The following ZC3H12B variants were observed in gnomAD, a reference collection of about 807,000 sequenced individuals.
ZC3H12B encodes zinc finger CCCH-type containing 12B.
In ZC3H12B, 7 loss-of-function variants were observed where a neutral mutation model predicts 43.9. That is an observed-to-expected ratio of 0.16 (90% confidence interval 0.09 to 0.30). The LOEUF is 0.30. Among genes scored for constraint, ZC3H12B ranks in the 10% least tolerant of loss-of-function variants. The probability of loss-of-function intolerance (pLI) is 1.00; values close to 1 mark genes in which losing one functional copy is unlikely to be tolerated. For missense variants in ZC3H12B, 475 were observed against 670.2 expected (o/e 0.71, Z 3.22); for synonymous variants, 222 against 241.7 (o/e 0.92, Z 0.76).
At chrX:65,343,618 A>G in the ZC3H12B span, among the ~76,000 whole-genome samples, 1 of 112,487 alleles carries the variant, frequency 8.9e-6, no homozygotes, top group African/African-American at 3.2e-5. Context: ...TTTTGATAAC[A>G]TTTAACACCG....
At chrX:65,190,205 G>GTAGTA in the ZC3H12B span, among the ~76,000 whole-genome samples, 7 of 110,457 alleles carry the variant, frequency 6.3e-5, no homozygotes, top group Non-Finnish European at 1.1e-4. Flanking sequence ...CTGTAGCCTT[G>GTAGTA]TAGTATAGTT....
At chrX:65,134,902 AG>A in the ZC3H12B span, among the ~76,000 whole-genome samples, 1 of 111,118 alleles carries the variant, frequency 9.0e-6, no homozygotes, top group Non-Finnish European at 1.9e-5. Flanking sequence ...TCTGGCAGGC[AG>A]GGGCGGGAAT....
At chrX:65,425,495 A>G (rs1329009566) in intron 3 of ZC3H12B, among the ~76,000 whole-genome samples, 1 of 110,442 alleles carries the variant, frequency 9.1e-6, no homozygotes, top group African/African-American at 3.3e-5. Flanking sequence ...TTCCAATACT[A>G]TATTGAATAG....
At position 65,457,787 on chromosome X, in the gene ZC3H12B, A is replaced by C. The variant is rs1320325132; in HGVS notation, n.408-30859A>C. 7.4e-3 allele frequency among the ~76,000 whole-genome samples: 465 copies of C among 62,685 alleles called. 3 individuals are homozygous for C. The highest frequency in any genetic ancestry group is 0.011 in the Middle Eastern group (2 of 174). 54.4% of individuals were successfully genotyped at this position (62,685 alleles called of 115,157 possible). A position where few individuals can be genotyped will look rare whatever the true frequency, so the allele number is the denominator to read the frequency against. ...TTATCCCCAACCCTGTGCTCTCTGA[A>C]ACATGTGCTGTGTCCACTCAGGGTT... On this transcript the variant is annotated intron_variant and non_coding_transcript_variant, in intron 3 of 5. Coordinates refer to the ZC3H12B transcript ENST00000617377.
At chrX:65,211,980 A>G in the ZC3H12B span, among the ~76,000 whole-genome samples, 1 of 69,427 alleles carries the variant, frequency 1.4e-5, no homozygotes, top group Non-Finnish European at 2.4e-5. Flanking sequence ...TGTATACTAT[A>G]TAATATATAA....
At chrX:65,147,280 G>T in the ZC3H12B span, among the ~76,000 whole-genome samples, 3 of 111,894 alleles carry the variant, frequency 2.7e-5, no homozygotes, top group Admixed American at 9.5e-5. Context: ...AAGGCTTGCT[G>T]CTGCAGTCCT....
intron 3 of ZC3H12B, among the ~76,000 whole-genome samples, chrX:65,459,670 A>G (rs2067702556): frequency 1.8e-5 from 2 of 111,941 alleles, no homozygotes; most frequent in Non-Finnish European, 3.8e-5. Context: ...CCTCATGCTA[A>G]AATCTCTCAA....
chrX:65,069,576 A>G, the ZC3H12B span, among the ~76,000 whole-genome samples: 1 of 111,502 alleles, frequency 9.0e-6, no homozygotes, highest in African/African-American at 3.3e-5. Context: ...AGTTTCCTCA[A>G]GGCCCTGGGG....
rs577361768 is a variant in ZC3H12B, at chrX:65,389,518, T to A, written n.296-9075T>A. 9.5e-4 allele frequency among the ~76,000 whole-genome samples: 107 copies of A among 112,351 alleles called. 1 individual carries two copies. The Admixed American group carries it at 9.7e-3, about 10-fold the overall frequency. ...TATTAGGGTGGGAGTGACCTAATTT[T>A]CCAGGTACCATCTGTCACCCATTTC... is the stretch of plus-strand genomic sequence containing the variant. On this transcript the variant is annotated intron_variant and non_coding_transcript_variant, in intron 2 of 5. Coordinates refer to the ZC3H12B transcript ENST00000617377.
chrX:65,316,428 T>TGACCTA, the ZC3H12B span, among the ~76,000 whole-genome samples: 4 of 112,001 alleles, frequency 3.6e-5, no homozygotes, highest in Non-Finnish European at 7.5e-5. Flanking sequence ...CCTAAAAGTT[T>TGACCTA]ACAGCATTAG....
At chrX:65,104,414 G>A in the ZC3H12B span, among the ~76,000 whole-genome samples, 1 of 111,779 alleles carries the variant, frequency 8.9e-6, no homozygotes, top group African/African-American at 3.2e-5. Context: ...TTGACAAATG[G>A]GATCTAATTA....
At chrX:65,205,632 A>G in the ZC3H12B span, among the ~76,000 whole-genome samples, 9 of 111,272 alleles carry the variant, frequency 8.1e-5, no homozygotes, top group Non-Finnish European at 1.5e-4. Context: ...AAGGATGCCT[A>G]CTCTCACCAC....
chrX:65,131,176 G>T, the ZC3H12B span, among the ~76,000 whole-genome samples: 301 of 111,646 alleles, frequency 2.7e-3, 3 homozygotes, highest in African/African-American at 9.4e-3. Context: ...TATTGGAGTG[G>T]GGCAGAGTGG....
At chrX:65,453,359 CAT>C (rs1159840122) in intron 3 of ZC3H12B, among the ~76,000 whole-genome samples, 3,965 of 26,964 alleles carry the variant, frequency 0.15, 125 homozygotes, top group Non-Finnish European at 0.17. Flanking sequence ...AGCTCAAATG[CAT>C]ATATATATAT....
the ZC3H12B span, among the ~76,000 whole-genome samples, chrX:65,280,469 C>T: frequency 8.9e-6 from 1 of 112,043 alleles, no homozygotes; most frequent in Non-Finnish European, 1.9e-5. Context: ...AAAGCTTTTT[C>T]TCTAAGAACT....
the ZC3H12B span, among the ~76,000 whole-genome samples, chrX:65,074,816 T>C: frequency 5.7e-4 from 64 of 112,308 alleles, no homozygotes; most frequent in Non-Finnish European, 9.6e-4. Context: ...TGTTTGGGTG[T>C]TTTTATGTTT....
At chrX:65,216,065 G>A in the ZC3H12B span, among the ~76,000 whole-genome samples, 1 of 111,058 alleles carries the variant, frequency 9.0e-6, no homozygotes, top group African/African-American at 3.3e-5. Context: ...AGAAGGCAGA[G>A]CAGCATGGTC....
At chrX:65,172,070 A>G in the ZC3H12B span, among the ~76,000 whole-genome samples, 1 of 112,453 alleles carries the variant, frequency 8.9e-6, no homozygotes, top group Admixed American at 9.4e-5. Context: ...CCAGTACCTC[A>G]GTTGGAAATG....
chrX:65,073,011 CTG>C, the ZC3H12B span, among the ~76,000 whole-genome samples: 2 of 112,350 alleles, frequency 1.8e-5, no homozygotes, highest in African/African-American at 6.5e-5. Flanking sequence ...AGAGTGTCCT[CTG>C]TTTTCTGAGC....
Sources: allele counts gnomAD v4.1 joint callset (sites outside exome capture counted in the v4.1 genomes callset), GRCh38; gene constraint gnomAD v4.1.1; transcripts MANE v1.5; gene names NCBI Gene and HGNC (gene_info 2026-07-23, HGNC 2026-07-21).